The following PPIE variants were observed in gnomAD, a reference collection of about 807,000 sequenced individuals.
PPIE encodes the protein peptidylprolyl isomerase E.
PPIE carries 20 observed loss-of-function variants against 38.4 expected under a neutral mutation model. That is an observed-to-expected ratio of 0.52 (90% CI 0.37 to 0.76). The LOEUF (loss-of-function observed/expected upper bound fraction) is 0.76, where lower values mean the gene tolerates loss of function less well. Among genes scored for constraint, PPIE ranks in the 30% least tolerant of loss-of-function variants. The pLI, the probability that PPIE is intolerant of heterozygous loss-of-function variation, is 0.00. For synonymous variants in PPIE, 142 were observed against 135.7 expected (o/e 1.05, Z -0.32); for missense variants, 322 against 385.8 (o/e 0.83, Z 1.39).
In PPIE at chr1:39,738,923, T is replaced by G; in HGVS notation, c.23T>G (p.Leu8Trp). The G allele has an allele frequency of 2.7e-6, 4 of 1,493,316 alleles. No individual in the cohort carries two copies. Among genetic ancestry groups the G allele is most frequent in the Non-Finnish European group, 2.7e-6 (3 of 1,122,602 alleles). The allele number at this position is 1,493,316 out of a possible 1,614,324, so 92.5% of individuals were successfully genotyped here. A position where few individuals can be genotyped will look rare whatever the true frequency, so the allele number is the denominator to read the frequency against. Residue 8 changes from leucine to tryptophan, a missense_variant, in exon 1 of 10, where the codon TTG (leucine) becomes TGG (tryptophan). Leu to Trp is a moderately conservative substitution (Grantham distance 61). Transcript: ENST00000324379. MATTKRV[L>W]YVGGLAEEVD... ...AAGATGGCCACCACCAAGCGCGTCT[T>G]GTACGTGGGTGAGCAGGAGGGGTTG...
chr1:39,762,686 G>A, intron 9 of PPIE: 1 of 1,493,468 alleles, frequency 6.7e-7, no homozygotes, highest in Non-Finnish European at 8.9e-7. Flanking sequence ...CACACACTGT[G>A]CACACATATC....
chr1:39,748,970 C>T lies in PPIE; in HGVS notation c.576C>T (p.Ile192=). The part of the protein sequence containing the change: ...FGFKGSSFHR[I]IPQFMCQGGD... ...TTAAGGGAAGCAGCTTCCACCGCAT[C>T]ATCCCCCAGTTCATGTGCCAGGGCG... Residue 192 remains isoleucine, a synonymous_variant, in exon 8 of 10, where the codon ATC becomes ATT. Transcript: ENST00000324379. 1.2e-6 allele frequency: 2 copies of T among 1,614,162 alleles called. No individual in the cohort carries two copies. Among genetic ancestry groups the T allele is most frequent in the Non-Finnish European group, 1.7e-6 (2 of 1,180,000 alleles).
chr1:39,756,140 C>T lies in PPIE; in HGVS notation c.*2785C>T, dbSNP rs1432319865. The T allele has an allele frequency of 9.1e-6, 9 of 985,324 alleles. No individual in the cohort carries two copies. The highest frequency in any genetic ancestry group is 1.7e-5 in the African/African-American group (1 of 57,242). The allele number at this position is 985,324 out of a possible 1,614,324, so 61.0% of individuals were successfully genotyped here. A position where few individuals can be genotyped will look rare whatever the true frequency, so the allele number is the denominator to read the frequency against. On this transcript the variant is annotated 3_prime_UTR_variant, in exon 10 of 10. Coordinates refer to ENST00000324379, the MANE Select transcript of PPIE (RefSeq NM_006112.4). ...ACAGCCTGGCCACCTGCTTCGGCTA[C>T]GCACCATGCAGCAGCTGCACCTGGC... is the stretch of plus-strand genomic sequence containing the variant.
intron 7 of PPIE, chr1:39,746,485 C>G (rs1035872050): frequency 6.6e-5 from 10 of 152,224 alleles, no homozygotes; most frequent in African/African-American, 1.9e-4. Flanking sequence ...TATGGTACCT[C>G]AGCCCTCACT....
chr1:39,738,893 C>T lies in PPIE; in HGVS notation c.-8C>T. 1 of 1,512,448 alleles carries T rather than the reference C, an allele frequency of 6.6e-7. No homozygotes were observed. The highest frequency in any genetic ancestry group is 8.8e-7 in the Non-Finnish European group (1 of 1,132,704). The allele number at this position is 1,512,448 out of a possible 1,614,324, so 93.7% of individuals were successfully genotyped here. On this transcript the variant is annotated 5_prime_UTR_variant, in exon 1 of 10. Coordinates refer to ENST00000324379, the MANE Select transcript of PPIE (RefSeq NM_006112.4). ...TGCTGGCTTCCGGCGGAAAAGCGCG[C>T]GAGCAAGATGGCCACCACCAAGCGC...
At chr1:39,757,318 A>C (rs1354648519), downstream of PPIE, 1 of 152,258 alleles carries the variant, frequency 6.6e-6, no homozygotes, top group Non-Finnish European at 1.5e-5. Context: ...GTACATATTT[A>C]GTCTTTATAA....
chr1:39,746,927 C>G (rs765789123), intron 7 of PPIE: 3 of 152,188 alleles, frequency 2.0e-5, no homozygotes, highest in Non-Finnish European at 2.9e-5. Flanking sequence ...CTAAACAAAA[C>G]CACTTATTAA....
intron 7 of PPIE, 87 bp downstream of exon 7, chr1:39,745,585 G>A (rs1329199402): frequency 6.3e-7 from 1 of 1,591,604 alleles, no homozygotes. Context: ...CACTTCTTGT[G>A]TCCTTGATAT....
At chr1:39,760,688 C>T, downstream of PPIE, 1 of 1,294,188 alleles carries the variant, frequency 7.7e-7, no homozygotes. Flanking sequence ...CACATGGGAG[C>T]AGCACAATAA....
In PPIE at chr1:39,745,344, C is replaced by G. The variant is rs1483113191; in HGVS notation, c.385-31C>G. 5 of 1,613,612 alleles carry G rather than the reference C, an allele frequency of 3.1e-6. No homozygotes were observed. The East Asian group carries it at 6.7e-5, about 22-fold the overall frequency. On this transcript the variant is annotated intron_variant, in intron 6 of 9. Coordinates refer to ENST00000324379, the MANE Select transcript of PPIE (RefSeq NM_006112.4). ...CTCCTACTTAGGGCGTCAGGGAGCT[C>G]TCTCTAACTAGCAATTTCTTCTGCA...
Position 39,743,678 on chromosome 1 carries a change from G to C in PPIE, c.284-146G>C, listed in dbSNP as rs1647118844. On this transcript the variant is annotated intron_variant, in intron 5 of 9. Transcript: ENST00000324379. ...ACTTCAGGGCCTACATTCTGGATGGGAACTTTCCTTACCCCTGGGAGTTCT... is the reference window on the plus strand; with the variant it reads ...ACTTCAGGGCCTACATTCTGGATGGCAACTTTCCTTACCCCTGGGAGTTCT... The C allele has an allele frequency of 3.3e-5, 21 of 645,118 alleles. 1 individual carries two copies. In the South Asian group the frequency reaches 3.5e-4, roughly 11 times the overall value. The allele number at this position is 645,118 out of a possible 1,614,324, so 40.0% of individuals were successfully genotyped here.
intron 8 of PPIE, among the ~76,000 whole-genome samples, chr1:39,749,644 A>G (rs1156881649): frequency 1.3e-5 from 2 of 152,006 alleles, no homozygotes; most frequent in Admixed American, 6.6e-5. Flanking sequence ...CCACTCGTGC[A>G]TGCTCTTTCT....
chr1:39,743,695 G>A lies in PPIE; in HGVS notation c.284-129G>A. ...CTGGATGGGAACTTTCCTTACCCCT[G>A]GGAGTTCTCAGTGGGGAATTGTCTG... On this transcript the variant is annotated intron_variant, in intron 5 of 9. Transcript: ENST00000324379. The A allele has an allele frequency of 8.6e-6, 6 of 700,456 alleles. No individual in the cohort carries two copies. Among genetic ancestry groups the A allele is most frequent in the Non-Finnish European group, 1.4e-5 (6 of 414,428 alleles). The allele number at this position is 700,456 out of a possible 1,614,324, so 43.4% of individuals were successfully genotyped here.
chr1:39,748,590 G>A, intron 7 of PPIE: 1 of 255,724 alleles, frequency 3.9e-6, no homozygotes, highest in South Asian at 4.3e-5. Flanking sequence ...TACAAAATTA[G>A]CCAGGTGTAT....
At chr1:39,739,734 T>C (rs1373237594) in intron 1 of PPIE, among the ~76,000 whole-genome samples, 2 of 152,128 alleles carry the variant, frequency 1.3e-5, no homozygotes, top group African/African-American at 4.8e-5. Context: ...AGTGGGTCAT[T>C]ATTCGGGAGA....
At chr1:39,757,542 C>T (rs1022413342), downstream of PPIE, 2 of 152,260 alleles carry the variant, frequency 1.3e-5, no homozygotes, top group Non-Finnish European at 2.9e-5. Flanking sequence ...AGTATTGCAC[C>T]GCAAGGACCA....
downstream of PPIE, among the ~76,000 whole-genome samples, chr1:39,760,852 A>G (rs1332438490): frequency 6.6e-6 from 1 of 152,168 alleles, no homozygotes; most frequent in Non-Finnish European, 1.5e-5. Context: ...CCAAGGGCTC[A>G]GACTTCCTCC....
downstream of PPIE, chr1:39,758,812 C>G (rs1002950320): frequency 1.3e-5 from 2 of 152,270 alleles, no homozygotes; most frequent in Admixed American, 1.3e-4. Flanking sequence ...ATGGGAGGGT[C>G]TCTTCCTCTG....
chr1:39,752,686 A>T (rs185860812), intron 8 of PPIE, among the ~76,000 whole-genome samples: 291 of 152,368 alleles, frequency 1.9e-3, no homozygotes, highest in Non-Finnish European at 3.5e-3. Flanking sequence ...TGTTAAATAA[A>T]TGAATTAATG....
Sources: gnomAD v4.1 joint callset for allele counts (sites outside exome capture counted in the v4.1 genomes callset) on GRCh38, gnomAD v4.1.1 for gene constraint, MANE v1.5 for transcripts, NCBI Gene and HGNC (gene_info 2026-07-23, HGNC 2026-07-21) for gene names.